The following SLC4A5 variants were observed in gnomAD, a reference collection of about 807,000 sequenced individuals.
SLC4A5 encodes electrogenic sodium bicarbonate cotransporter 4.
SLC4A5 carries 96 observed loss-of-function variants against 120.4 expected under a neutral mutation model. That is an observed-to-expected ratio of 0.80 (90% confidence interval 0.68 to 0.94). SLC4A5 has a LOEUF of 0.94. SLC4A5 is among the 40% of genes least tolerant of loss of function. SLC4A5 has a pLI of 0.00. For missense variants in SLC4A5, 1,259 were observed against 1,459.5 expected (o/e 0.86, Z 2.24); for synonymous variants, 550 against 571.1 (o/e 0.96, Z 0.53).
chr2:74,311,978 G>A (rs1672818297), intron 6 of SLC4A5, among the ~76,000 whole-genome samples: 1 of 151,938 alleles, frequency 6.6e-6, no homozygotes, highest in South Asian at 2.1e-4. Context: ...GTATTTTGAT[G>A]CTCTGCTGTT....
chr2:74,264,637 T>A (rs1484790586), intron 9 of SLC4A5, among the ~76,000 whole-genome samples: 2 of 152,134 alleles, frequency 1.3e-5, no homozygotes, highest in African/African-American at 4.8e-5. Context: ...GAACTCTTTT[T>A]AGAAAAGTAT....
At position 74,326,979 on chromosome 2, in the gene SLC4A5, A is replaced by C. The variant is rs543207999; in HGVS notation, c.-3+1141T>G. ...TTAGTCATCAGAGCCCTTGTGATAG[A>C]ATCATCTGGTGTTTAGGTGCCCACC... is the stretch of plus-strand genomic sequence containing the variant. On this transcript the variant is annotated intron_variant, in intron 5 of 30. Coordinates refer to ENST00000394019, the Ensembl canonical transcript of SLC4A5. Among the ~76,000 whole-genome samples, 5 of 152,274 alleles carry C rather than the reference A, an allele frequency of 3.3e-5. No homozygotes were observed. The East Asian group carries it at 9.7e-4, about 29-fold the overall frequency.
At chr2:74,269,713 T>C (rs997466540) in intron 8 of SLC4A5, among the ~76,000 whole-genome samples, 1 of 152,104 alleles carries the variant, frequency 6.6e-6, no homozygotes, top group Non-Finnish European at 1.5e-5. Context: ...CCTAAAGGTG[T>C]GATGTGGCCC....
chr2:74,263,866 C>T (rs1237593384), intron 10 of SLC4A5, among the ~76,000 whole-genome samples: 1 of 152,230 alleles, frequency 6.6e-6, no homozygotes, highest in Non-Finnish European at 1.5e-5. Context: ...CAAGGTGGGG[C>T]CCAGGCATTA....
At chr2:74,315,395 G>A (rs975033298) in intron 5 of SLC4A5, among the ~76,000 whole-genome samples, 2 of 146,908 alleles carry the variant, frequency 1.4e-5, no homozygotes, top group Admixed American at 1.4e-4. Context: ...AGCTGAGATT[G>A]CACCACTGCA....
intron 12 of SLC4A5, among the ~76,000 whole-genome samples, chr2:74,257,498 C>A (rs944582312): frequency 6.6e-6 from 1 of 152,106 alleles, no homozygotes; most frequent in Non-Finnish European, 1.5e-5. Context: ...GAGATACGGG[C>A]TGGGCAGGAG....
rs76868684 is a variant in SLC4A5 at position 74,240,196 on chromosome 2, T to C, written c.2119-661A>G. On this transcript the variant is annotated intron_variant, in intron 20 of 30. Coordinates refer to ENST00000394019, the Ensembl canonical transcript of SLC4A5. Reference sequence around the variant, plus strand: ...GTGCTTTTCCTCTCTTGCCCTTCTGTCTATGCTGTTCCTTCAGTCTGGAAT... The same window carrying C: ...GTGCTTTTCCTCTCTTGCCCTTCTGCCTATGCTGTTCCTTCAGTCTGGAAT... Among the ~76,000 whole-genome samples the C allele has an allele frequency of 5.1e-3, 773 of 152,082 alleles. 4 individuals are homozygous for C. The highest frequency in any genetic ancestry group is 8.8e-3 in the Non-Finnish European group (596 of 67,984).
chr2:74,216,691 C>CTTGA (rs1461940521), exon 31 of SLC4A5: 2 of 152,170 alleles, frequency 1.3e-5, no homozygotes, highest in Non-Finnish European at 2.9e-5. Context: ...TCACTGCAGC[C>CTTGA]TTGAACTCCT....
At chr2:74,264,296 T>C (rs1420228644) in exon 10 of SLC4A5, 1 of 1,613,596 alleles carries the variant, frequency 6.2e-7, no homozygotes, top group Non-Finnish European at 8.5e-7. Context: ...CTCAATGACA[T>C]CATCTGTGTG....
chr2:74,238,987 C>G (rs1670352090), intron 21 of SLC4A5, among the ~76,000 whole-genome samples: 1 of 152,100 alleles, frequency 6.6e-6, no homozygotes, highest in East Asian at 1.9e-4. Context: ...CCAAAATGTG[C>G]AAGAGATTTC....
chr2:74,243,137 A>C (rs1352199467), intron 19 of SLC4A5, among the ~76,000 whole-genome samples: 1 of 152,146 alleles, frequency 6.6e-6, no homozygotes. Context: ...GTACTTCCCT[A>C]CCCTGGCCTC....
intron 3 of SLC4A5, among the ~76,000 whole-genome samples, chr2:74,334,733 C>CT (rs146263824): frequency 0.02 from 3,035 of 148,678 alleles, 108 homozygotes; most frequent in African/African-American, 0.07. Context: ...TGGACAACTT[C>CT]TTTTTTTTTT....
At chr2:74,227,479 G>A in intron 26 of SLC4A5, 2 of 1,595,866 alleles carry the variant, frequency 1.3e-6, no homozygotes, top group East Asian at 2.2e-5. Flanking sequence ...CTGCATAGCT[G>A]CCTTAGGGAA....
chr2:74,285,065 G>A (rs1671938782), intron 8 of SLC4A5, among the ~76,000 whole-genome samples: 1 of 152,156 alleles, frequency 6.6e-6, no homozygotes, highest in Non-Finnish European at 1.5e-5. Context: ...GTAAAAAAGT[G>A]AGACCTTATC....
chr2:74,298,515 G>A (rs945396694), intron 7 of SLC4A5, among the ~76,000 whole-genome samples: 1 of 152,186 alleles, frequency 6.6e-6, no homozygotes, highest in African/African-American at 2.4e-5. Context: ...TCTTGGCAGT[G>A]ATTTCTTTTG....
chr2:74,219,176 G>GGTGTGTGTGTGTGT (rs58141033), intron 30 of SLC4A5, among the ~76,000 whole-genome samples: 7 of 134,258 alleles, frequency 5.2e-5, no homozygotes, highest in East Asian at 2.2e-4. Flanking sequence ...GCTCTTTGGA[G>GGTGTGTGTGTGTGT]GTGTGTGTGT....
At chr2:74,329,644 G>A (rs965203635) in intron 4 of SLC4A5, among the ~76,000 whole-genome samples, 2 of 117,434 alleles carry the variant, frequency 1.7e-5, no homozygotes, top group Non-Finnish European at 3.7e-5. Flanking sequence ...GAGGTGGTGT[G>A]AGGTGTAAAT....
Position 74,295,190 on chromosome 2 carries a change from T to C in SLC4A5, c.272-9288A>G, listed in dbSNP as rs1418500359. Among the ~76,000 whole-genome samples the C allele has an allele frequency of 2.0e-5, 3 of 147,712 alleles. No individual in the cohort carries two copies. In the East Asian group the frequency reaches 6.0e-4, roughly 29 times the overall value. The stretch of plus-strand genomic sequence containing the variant: ...GCTCAGAAACCGAGAAGCAAGGAGA[T>C]ACGAGGAGACTCAGGAGGGCAGTGA... On this transcript the variant is annotated intron_variant, in intron 7 of 30. Transcript: ENST00000394019.
intron 20 of SLC4A5, among the ~76,000 whole-genome samples, chr2:74,240,759 G>GT (rs1225141875): frequency 3.7e-5 from 5 of 133,986 alleles, no homozygotes; most frequent in Non-Finnish European, 7.9e-5. Context: ...AACAGAGCAA[G>GT]ACCCCATCTC....
Sources: allele counts gnomAD v4.1 joint callset (sites outside exome capture counted in the v4.1 genomes callset), GRCh38; gene constraint gnomAD v4.1.1; transcripts MANE v1.5; gene names NCBI Gene and HGNC (gene_info 2026-07-23, HGNC 2026-07-21).